The following XKR4 variants were observed in gnomAD, a reference collection of about 807,000 sequenced individuals.
The protein encoded by XKR4 is XK related 4.
A neutral mutation model predicts 53.9 loss-of-function variants in XKR4; 12 were observed. The observed-to-expected ratio is 0.22, with a 90% CI of 0.14 to 0.36. XKR4 has a LOEUF of 0.36. Ranked by LOEUF, XKR4 falls within the 10% of genes least tolerant of loss-of-function variation. The probability of loss-of-function intolerance (pLI) is 1.00; values close to 1 mark genes in which losing one functional copy is unlikely to be tolerated. For missense variants in XKR4, 799 were observed against 859.5 expected (o/e 0.93, Z 0.88); for synonymous variants, 354 against 362.4 (o/e 0.98, Z 0.26).
At chr8:55,382,013 T>G (rs1303416775) in intron 2 of XKR4, among the ~76,000 whole-genome samples, 1 of 152,260 alleles carries the variant, frequency 6.6e-6, no homozygotes, top group Non-Finnish European at 1.5e-5. Flanking sequence ...GTGTTTCTAT[T>G]CTAAAGCTTC....
chr8:55,317,873 T>C (rs915600644), intron 1 of XKR4, among the ~76,000 whole-genome samples: 3 of 152,222 alleles, frequency 2.0e-5, no homozygotes. Context: ...AGCAGAATTC[T>C]GAGCCCAAGG....
chr8:55,108,606 A>G (rs9694358), intron 1 of XKR4, among the ~76,000 whole-genome samples: 131,670 of 152,180 alleles, frequency 0.87, 57,061 homozygotes, highest in East Asian at 0.95. Flanking sequence ...TTATATTAAA[A>G]TAATATTAAA....
At position 55,448,796 on chromosome 8, in the gene XKR4, G is replaced by T. The variant is rs984803616; in HGVS notation, c.1007-74485G>T. Among the ~76,000 whole-genome samples, 5 of 152,316 alleles carry T rather than the reference G, an allele frequency of 3.3e-5. No individual in the cohort carries two copies. In the East Asian group the frequency reaches 9.6e-4, roughly 29 times the overall value. Reference sequence around the variant, plus strand: ...GATGAAGCTAGAAACCACATTTTGTGCATTATGTCTATTCCTAGCTTCGTA... The same window carrying T: ...GATGAAGCTAGAAACCACATTTTGTTCATTATGTCTATTCCTAGCTTCGTA... On this transcript the variant is annotated intron_variant, in intron 2 of 2. Transcript: ENST00000327381.
intron 2 of XKR4, among the ~76,000 whole-genome samples, chr8:55,424,616 T>C (rs776755467): frequency 3.9e-5 from 6 of 152,236 alleles, no homozygotes; most frequent in Non-Finnish European, 8.8e-5. Context: ...GAGGTTTGTT[T>C]CAACCACACG....
rs568246956 is a variant in XKR4 at position 55,345,046 on chromosome 8, C to A, written c.807-12632C>A. Among the ~76,000 whole-genome samples, 3 of 152,256 alleles carry A rather than the reference C, an allele frequency of 2.0e-5. No homozygotes were observed. In the South Asian group the frequency reaches 6.2e-4, roughly 32 times the overall value. ...GGGCAGATCACAGCAATTTGGGAGGCCATGGCAGGTGGATCACTTGAGGTC... is the reference window on the plus strand; with the variant it reads ...GGGCAGATCACAGCAATTTGGGAGGACATGGCAGGTGGATCACTTGAGGTC... On this transcript the variant is annotated intron_variant, in intron 1 of 2. Transcript: ENST00000327381.
intron 2 of XKR4, among the ~76,000 whole-genome samples, chr8:55,430,900 AAT>A (rs1207706882): frequency 6.6e-6 from 1 of 152,200 alleles, no homozygotes; most frequent in Non-Finnish European, 1.5e-5. Flanking sequence ...TCAGGCTTCA[AAT>A]AGAGTCACAT....
At chr8:55,387,074 C>T (rs572599975) in intron 2 of XKR4, among the ~76,000 whole-genome samples, 2 of 152,332 alleles carry the variant, frequency 1.3e-5, no homozygotes, top group South Asian at 4.1e-4. Flanking sequence ...CAGTAAGCTT[C>T]CAGGTCCGCT....
At position 55,287,135 on chromosome 8, in the gene XKR4, G is replaced by C. The variant is rs933583955; in HGVS notation, c.807-70543G>C. ...TTATATCAAATAATTATTGGGTGGG[G>C]GGGGGGAACCTTCAATAATACAGGA... On this transcript the variant is annotated intron_variant, in intron 1 of 2. Coordinates refer to ENST00000327381, the MANE Select transcript of XKR4 (RefSeq NM_052898.2). Among the ~76,000 whole-genome samples, 189 of 138,446 alleles carry C rather than the reference G, an allele frequency of 1.4e-3. 1 individual carries two copies. The highest frequency in any genetic ancestry group is 5.4e-3 in the African/African-American group (183 of 33,900). The allele number at this position is 138,446 out of a possible 152,430, so 90.8% of individuals were successfully genotyped here. A position where few individuals can be genotyped will look rare whatever the true frequency, so the allele number is the denominator to read the frequency against.
Position 55,409,052 on chromosome 8 carries a change from G to A in XKR4, c.1006+51175G>A, listed in dbSNP as rs150137720. ...GAGCCACAGCACCAGGAGGGGAGTG[G>A]ACAGGGGTCCAGGAGGCTCTGGTGT... is the stretch of plus-strand genomic sequence containing the variant. On this transcript the variant is annotated intron_variant, in intron 2 of 2. Transcript: ENST00000327381. 3.9e-3 allele frequency among the ~76,000 whole-genome samples: 595 copies of A among 151,874 alleles called. 2 individuals carry two copies. The highest frequency in any genetic ancestry group is 0.013 in the African/African-American group (543 of 41,364).
intron 1 of XKR4, among the ~76,000 whole-genome samples, chr8:55,152,817 A>G (rs1193709239): frequency 1.3e-5 from 2 of 152,328 alleles, no homozygotes; most frequent in East Asian, 3.9e-4. Flanking sequence ...CTGAAATCCA[A>G]TTTAAGCTCA....
chr8:55,239,276 T>A (rs1455698102), intron 1 of XKR4, among the ~76,000 whole-genome samples: 2 of 152,198 alleles, frequency 1.3e-5, no homozygotes, highest in African/African-American at 4.8e-5. Context: ...ATGAAGTATC[T>A]TGTTGTTTGG....
At chr8:55,254,708 C>T (rs1818410324) in intron 1 of XKR4, among the ~76,000 whole-genome samples, 1 of 152,154 alleles carries the variant, frequency 6.6e-6, no homozygotes, top group East Asian at 1.9e-4. Context: ...GAACCGCATG[C>T]TCTCTAGAGT....
At chr8:55,254,738 C>T (rs1345358414) in intron 1 of XKR4, among the ~76,000 whole-genome samples, 1 of 152,144 alleles carries the variant, frequency 6.6e-6, no homozygotes, top group East Asian at 1.9e-4. Flanking sequence ...ATTTCACCTC[C>T]CCACATGCAG....
chr8:55,415,814 G>C (rs112696385), intron 2 of XKR4, among the ~76,000 whole-genome samples: 2,003 of 152,210 alleles, frequency 0.013, 44 homozygotes, highest in African/African-American at 0.045. Flanking sequence ...TGGGCATAAG[G>C]CTTCAATTCA....
intron 1 of XKR4, among the ~76,000 whole-genome samples, chr8:55,238,369 A>G (rs1158076212): frequency 6.6e-6 from 1 of 152,214 alleles, no homozygotes; most frequent in Non-Finnish European, 1.5e-5. Context: ...AAAGGTGTTC[A>G]TCCTTATCCT....
chr8:55,459,818 A>G (rs1193908877), intron 2 of XKR4, among the ~76,000 whole-genome samples: 1 of 152,190 alleles, frequency 6.6e-6, no homozygotes, highest in East Asian at 1.9e-4. Context: ...AGCCATTGCT[A>G]GTGATGAAGT....
chr8:55,459,072 G>C (rs941859933), intron 2 of XKR4, among the ~76,000 whole-genome samples: 3 of 152,078 alleles, frequency 2.0e-5, no homozygotes, highest in East Asian at 3.9e-4. Flanking sequence ...GAGTAATAAA[G>C]ACAGAGAAAT....
intron 1 of XKR4, among the ~76,000 whole-genome samples, chr8:55,356,930 GT>G (rs974060301): frequency 3.6e-4 from 55 of 152,224 alleles, no homozygotes; most frequent in African/African-American, 1.2e-3. Context: ...TTAATAGATA[GT>G]TAATAATTTT....
chr8:55,159,669 T>G (rs768351489), intron 1 of XKR4, among the ~76,000 whole-genome samples: 1 of 152,136 alleles, frequency 6.6e-6, no homozygotes, highest in South Asian at 2.1e-4. Flanking sequence ...TATAAAACAA[T>G]TTTCGTGCCA....
Sources: gnomAD v4.1 joint callset for allele counts (sites outside exome capture counted in the v4.1 genomes callset) on GRCh38, gnomAD v4.1.1 for gene constraint, MANE v1.5 for transcripts, NCBI Gene and HGNC (gene_info 2026-07-23, HGNC 2026-07-21) for gene names.